Variants in THSD4 observed in about 807,000 individuals in gnomAD.
THSD4 encodes the protein thrombospondin type 1 domain containing 4.
THSD4 carries 69 observed loss-of-function variants against 119.0 expected under a neutral mutation model. That is an observed-to-expected ratio of 0.58 (90% CI 0.48 to 0.71). The LOEUF is 0.71. Ranked by LOEUF, THSD4 falls within the 30% of genes least tolerant of loss-of-function variation. The pLI is 0.00. For synonymous variants in THSD4, 524 were observed against 540.4 expected (o/e 0.97, Z 0.42); for missense variants, 1,393 against 1,391.1 (o/e 1.00, Z -0.02).
chr15:71,639,809 A>T (rs1256896538), intron 7 of THSD4, among the ~76,000 whole-genome samples: 1 of 151,134 alleles, frequency 6.6e-6, no homozygotes, highest in African/African-American at 2.4e-5. Flanking sequence ...AGGATGGCCT[A>T]AGACAGCTGT....
intron 7 of THSD4, among the ~76,000 whole-genome samples, chr15:71,564,806 GTATATTATAACATATAATACTA>G (rs1567039370): frequency 3.8e-5 from 5 of 133,198 alleles, no homozygotes; most frequent in African/African-American, 8.5e-5. Flanking sequence ...AATATATATT[GTATATTATAACATATAATACTA>G]TATATTGTAT....
intron 1 of THSD4, among the ~76,000 whole-genome samples, chr15:71,139,582 G>T (rs898453814): frequency 2.0e-5 from 3 of 152,186 alleles, no homozygotes; most frequent in Non-Finnish European, 1.5e-5. Flanking sequence ...TTCATGAGTT[G>T]CTGATGGCTA....
At chr15:71,643,013 C>T (rs2050895235) in intron 7 of THSD4, among the ~76,000 whole-genome samples, 2 of 152,132 alleles carry the variant, frequency 1.3e-5, no homozygotes, top group Non-Finnish European at 2.9e-5. Context: ...TACATTCCTG[C>T]TCAACATCTT....
At position 71,724,287 on chromosome 15, in the gene THSD4, A is replaced by ATATATATATATATATT; in HGVS notation, c.1358-4261_1358-4260insATATATATATATATTT. ...ATGGGATATATATATATATATATAT[A>ATATATATATATATATT]TTTTTTTTTTCCCCCCAAGATGGAA... On this transcript the variant is annotated intron_variant, in intron 8 of 17. Coordinates refer to ENST00000261862, the MANE Select transcript of THSD4 (RefSeq NM_024817.3). Among the ~76,000 whole-genome samples the ATATATATATATATATT allele has an allele frequency of 2.2e-3, 81 of 37,268 alleles. 3 individuals are homozygous for ATATATATATATATATT. In the South Asian group the frequency reaches 0.029, roughly 13 times the overall value. 24.4% of individuals were successfully genotyped at this position (37,268 alleles called of 152,430 possible).
intron 8 of THSD4, among the ~76,000 whole-genome samples, chr15:71,686,794 C>G (rs1166780719): frequency 6.6e-6 from 1 of 152,178 alleles, no homozygotes; most frequent in Non-Finnish European, 1.5e-5. Context: ...CCTATGGACA[C>G]TGTCACAACT....
intron 7 of THSD4, among the ~76,000 whole-genome samples, chr15:71,485,103 G>C (rs1303767260): frequency 1.3e-5 from 2 of 152,104 alleles, no homozygotes. Context: ...GCTGACTAAG[G>C]GTGTTTAATC....
chr15:71,558,274 G>C (rs1422101661), intron 7 of THSD4, among the ~76,000 whole-genome samples: 1 of 152,188 alleles, frequency 6.6e-6, no homozygotes, highest in Non-Finnish European at 1.5e-5. Context: ...GTTGCAGTGA[G>C]CTGCGACTGC....
chr15:71,511,916 G>T (rs773903726), intron 7 of THSD4, among the ~76,000 whole-genome samples: 2 of 152,090 alleles, frequency 1.3e-5, no homozygotes, highest in African/African-American at 2.4e-5. Flanking sequence ...GTTTATAAAG[G>T]ATCTTTATTG....
chr15:71,685,352 T>C (rs950457282), intron 8 of THSD4, among the ~76,000 whole-genome samples: 1 of 152,174 alleles, frequency 6.6e-6, no homozygotes, highest in African/African-American at 2.4e-5. Flanking sequence ...CTTTTGTTCA[T>C]ATGAATTTAT....
At chr15:71,749,514 C>T in intron 14 of THSD4, among the ~76,000 whole-genome samples, 1 of 152,048 alleles carries the variant, frequency 6.6e-6, no homozygotes, top group Non-Finnish European at 1.5e-5. Context: ...TATCTCTGAC[C>T]TTGGTTAGCG....
At chr15:71,161,248 A>G (rs2043247352) in intron 3 of THSD4, among the ~76,000 whole-genome samples, 1 of 152,010 alleles carries the variant, frequency 6.6e-6, no homozygotes, top group South Asian at 2.1e-4. Context: ...ATGTTCTGTA[A>G]TTATTTGTTA....
chr15:71,276,412 TC>T (rs1306929364), intron 6 of THSD4, among the ~76,000 whole-genome samples: 1 of 152,196 alleles, frequency 6.6e-6, no homozygotes, highest in Non-Finnish European at 1.5e-5. Context: ...TCCTGACTCT[TC>T]CCTTTAGAGT....
chr15:71,745,193 C>A lies in THSD4; in HGVS notation c.1994C>A (p.Thr665Asn), dbSNP rs766590261. Residue 665 changes from threonine (T) to asparagine (N), a missense_variant, in exon 12 of 18, where the codon ACC becomes AAC. Thr to Asn is a moderately conservative substitution (Grantham distance 65, BLOSUM62 0). Coordinates refer to ENST00000261862, the MANE Select transcript of THSD4 (RefSeq NM_024817.3). ...TACTGTGACTCCAGCATGAAGCCGA[C>A]CCCCGAGGAGGAGCCCTGCAACATC... ...ESYCDSSMKPTPEEEPCNIFP... is the reference protein window; with the variant it reads ...ESYCDSSMKPNPEEEPCNIFP... 4.3e-6 allele frequency: 7 copies of A among 1,613,444 alleles called. No homozygotes were observed. Among genetic ancestry groups the A allele is most frequent in the Non-Finnish European group, 5.1e-6 (6 of 1,180,000 alleles).
chr15:71,472,704 C>T (rs1454151832), intron 7 of THSD4, among the ~76,000 whole-genome samples: 3 of 152,174 alleles, frequency 2.0e-5, no homozygotes, highest in Admixed American at 6.5e-5. Context: ...TGCTCGCTGA[C>T]CTGCATGGAA....
At position 71,416,630 on chromosome 15, in the gene THSD4, G is replaced by T. The variant is rs559823867; in HGVS notation, c.1152+4807G>T. Among the ~76,000 whole-genome samples, 2 of 108,326 alleles carry T rather than the reference G, an allele frequency of 1.8e-5. 1 individual carries two copies. The highest frequency in any genetic ancestry group is 4.1e-5 in the Non-Finnish European group (2 of 49,232). The allele number at this position is 108,326 out of a possible 152,430, so 71.1% of individuals were successfully genotyped here. A position where few individuals can be genotyped will look rare whatever the true frequency, so the allele number is the denominator to read the frequency against. Reference sequence around the variant, plus strand: ...GTTTCTATATACCTCTTTTCCATTTGTATGTCTTCTTTTAAGAAATGTTTA... The same window carrying T: ...GTTTCTATATACCTCTTTTCCATTTTTATGTCTTCTTTTAAGAAATGTTTA... On this transcript the variant is annotated intron_variant, in intron 7 of 17. Transcript: ENST00000261862.
At chr15:71,306,978 C>T (rs1191434557) in intron 6 of THSD4, among the ~76,000 whole-genome samples, 1 of 152,200 alleles carries the variant, frequency 6.6e-6, no homozygotes, top group African/African-American at 2.4e-5. Flanking sequence ...TATTCAGGCA[C>T]CATCCCAGAA....
At chr15:71,777,083 C>A (rs1595941548) in intron 17 of THSD4, 149 bp from the exon 18 acceptor site, 1 of 815,342 alleles carries the variant, frequency 1.2e-6, no homozygotes, top group Non-Finnish European at 1.9e-6. Flanking sequence ...AGAGAAAAAC[C>A]TGTGAGCCCT....
At chr15:71,397,365 C>CTTTTT (rs1566968942) in intron 6 of THSD4, among the ~76,000 whole-genome samples, 2 of 152,156 alleles carry the variant, frequency 1.3e-5, no homozygotes, top group African/African-American at 4.8e-5. Flanking sequence ...GACCTGGTCT[C>CTTTTT]TTTTTAAAAT....
At chr15:71,459,156 T>C (rs1252393144) in intron 7 of THSD4, among the ~76,000 whole-genome samples, 4 of 147,334 alleles carry the variant, frequency 2.7e-5, no homozygotes, top group Non-Finnish European at 4.5e-5. Context: ...CATTTTCTTT[T>C]TTTCTTTTTT....
Sources: allele counts gnomAD v4.1 joint callset (sites outside exome capture counted in the v4.1 genomes callset), GRCh38; gene constraint gnomAD v4.1.1; transcripts MANE v1.5; gene names NCBI Gene and HGNC (gene_info 2026-07-23, HGNC 2026-07-21).